Variants in IQGAP1 observed in about 807,000 individuals in gnomAD.
IQGAP1 encodes ras GTPase-activating-like protein IQGAP1.
IQGAP1 carries 66 observed loss-of-function variants against 215.6 expected under a neutral mutation model. The observed-to-expected ratio is 0.31, with a 90% CI of 0.25 to 0.38. The LOEUF (loss-of-function observed/expected upper bound fraction) is 0.38. Among genes scored for constraint, IQGAP1 ranks in the 10% least tolerant of loss-of-function variants. The pLI is 1.00. For synonymous variants in IQGAP1, 772 were observed against 728.7 expected (o/e 1.06, Z -0.96); for missense variants, 1,712 against 1,997.1 (o/e 0.86, Z 2.72).
At chr15:90,408,602 A>G (rs944062538) in intron 2 of IQGAP1, among the ~76,000 whole-genome samples, 21 of 152,114 alleles carry the variant, frequency 1.4e-4, no homozygotes, top group Admixed American at 6.6e-5. Context: ...TGAAGGTAAC[A>G]TTTGAATTGG....
chr15:90,433,119 C>T (rs144365763), intron 4 of IQGAP1, among the ~76,000 whole-genome samples: 366 of 152,276 alleles, frequency 2.4e-3, no homozygotes, highest in Non-Finnish European at 4.4e-3. Flanking sequence ...TAAGTGCTAC[C>T]GTGGAAAAGT....
chr15:90,468,246 G>T (rs1336677270), intron 18 of IQGAP1, among the ~76,000 whole-genome samples: 1 of 152,088 alleles, frequency 6.6e-6, no homozygotes, highest in Non-Finnish European at 1.5e-5. Context: ...TGTAATTTTA[G>T]TAGAGACGAG....
intron 23 of IQGAP1, among the ~76,000 whole-genome samples, chr15:90,476,333 G>A (rs1965979089): frequency 6.6e-6 from 1 of 152,094 alleles, no homozygotes; most frequent in Non-Finnish European, 1.5e-5. Flanking sequence ...TGTTTTCCAA[G>A]CGTTTATTAT....
At chr15:90,396,648 C>A (rs977491886) in intron 2 of IQGAP1, among the ~76,000 whole-genome samples, 44 of 152,008 alleles carry the variant, frequency 2.9e-4, no homozygotes, top group Admixed American at 2.7e-3. Context: ...AACCTCCATT[C>A]TTTTTTCGGA....
intron 14 of IQGAP1, among the ~76,000 whole-genome samples, chr15:90,455,667 C>T (rs895238965): frequency 7.2e-5 from 11 of 152,202 alleles, no homozygotes; most frequent in African/African-American, 2.7e-4. Context: ...CATTAGGGAG[C>T]CCTGCGCTTG....
At chr15:90,477,261 C>T (rs1309457430) in intron 25 of IQGAP1, 31 bp downstream of exon 25, 2 of 1,594,116 alleles carry the variant, frequency 1.3e-6, no homozygotes, top group Non-Finnish European at 1.7e-6. Context: ...GGCACAGGCC[C>T]CTTCCCACTA....
rs1341089326 is a variant in IQGAP1 at position 90,443,389 on chromosome 15, C to G, written c.829-5C>G. 2 of 1,606,558 alleles carry G rather than the reference C, an allele frequency of 1.2e-6. No homozygotes were observed. The highest frequency in any genetic ancestry group is 3.3e-5 in the Admixed American group (2 of 59,848). ...AACTTAATTACGCTTTTTACTCATC[C>G]TCAGACAGAAAACTCAGAGAGAGAA... On this transcript the variant is annotated splice_region_variant and splice_polypyrimidine_tract_variant and intron_variant, in intron 8 of 37. Coordinates refer to ENST00000268182, the MANE Select transcript of IQGAP1 (RefSeq NM_003870.4).
intron 15 of IQGAP1, among the ~76,000 whole-genome samples, chr15:90,462,926 C>G (rs925483405): frequency 1.3e-5 from 2 of 152,202 alleles, no homozygotes; most frequent in African/African-American, 4.8e-5. Flanking sequence ...TGGGCTTTAA[C>G]ACTCTGCTCA....
At chr15:90,447,469 T>C (rs898481579) in intron 9 of IQGAP1, among the ~76,000 whole-genome samples, 4 of 152,246 alleles carry the variant, frequency 2.6e-5, no homozygotes, top group Non-Finnish European at 5.9e-5. Context: ...TTTTTACTAA[T>C]GAAAACATTT....
intron 2 of IQGAP1, among the ~76,000 whole-genome samples, chr15:90,416,671 G>A (rs376617036): frequency 1.1e-4 from 17 of 151,130 alleles, no homozygotes; most frequent in East Asian, 5.8e-4. Context: ...TTCACCTCCC[G>A]TGTTCACGCC....
intron 2 of IQGAP1, among the ~76,000 whole-genome samples, chr15:90,411,366 C>T (rs1322488749): frequency 6.6e-6 from 1 of 151,962 alleles, no homozygotes; most frequent in Non-Finnish European, 1.5e-5. Context: ...GCAGCCACAA[C>T]ACCCCCAGGC....
intron 35 of IQGAP1, among the ~76,000 whole-genome samples, chr15:90,493,248 A>AG (rs1966230355): frequency 6.6e-6 from 1 of 152,078 alleles, no homozygotes; most frequent in South Asian, 2.1e-4. Flanking sequence ...GGAAAAAAAA[A>AG]AAAATCTTCT....
At position 90,474,518 on chromosome 15, in the gene IQGAP1, G is replaced by A. The variant is rs138856991; in HGVS notation, c.2609G>A (p.Arg870Gln). 2.2e-5 allele frequency: 35 copies of A among 1,614,012 alleles called. No homozygotes were observed. The African/African-American group carries it at 2.4e-4, about 11-fold the overall frequency. Residue 870 changes from arginine to glutamine, a missense_variant, in exon 23 of 38, where the codon CGA becomes CAA. Physicochemically the swap from Arg to Gln is conservative, Grantham distance 43. This residue lies in a region of IQGAP1 where 1,021 missense variants were observed against 1,074.2 expected (regional missense o/e 0.95). Transcript: ENST00000268182. ...GAGGATCCTCCTATGGTTGTGGTCC[G>A]AAAATTTGTCCACCTGCTGGACCAA... is the stretch of plus-strand genomic sequence containing the variant. ...NAEDPPMVVV[R>Q]KFVHLLDQSD...
At chr15:90,417,616 C>A (rs902892858) in intron 2 of IQGAP1, among the ~76,000 whole-genome samples, 3 of 152,130 alleles carry the variant, frequency 2.0e-5, no homozygotes, top group Non-Finnish European at 2.9e-5. Context: ...GTTATTGTAG[C>A]CTTGTAGTAT....
intron 1 of IQGAP1, among the ~76,000 whole-genome samples, chr15:90,390,129 A>AGACTGGGAAAGGCCTTG (rs1964614793): frequency 6.6e-6 from 1 of 152,184 alleles, no homozygotes; most frequent in Non-Finnish European, 1.5e-5. Flanking sequence ...AGTTGGGACC[A>AGACTGGGAAAGGCCTTG]GACTGGGAAA....
chr15:90,395,913 C>G (rs1298798673), intron 2 of IQGAP1, among the ~76,000 whole-genome samples: 1 of 152,168 alleles, frequency 6.6e-6, no homozygotes, highest in Non-Finnish European at 1.5e-5. Flanking sequence ...TCAGACAATT[C>G]CTGGTGTGCG....
intron 29 of IQGAP1, 43 bp downstream of exon 29, chr15:90,483,636 A>G (rs767563585): frequency 7.2e-7 from 1 of 1,380,786 alleles, no homozygotes; most frequent in South Asian, 1.2e-5. Flanking sequence ...CTGTGGATGT[A>G]TTTTTATTGT....
rs552222380 is a variant in IQGAP1, at chr15:90,496,306, C to CTTTTTTTTTTTTTTTTTTTTTTTTTTTT, written c.4752-924_4752-897dup. ...GATCATCCAGAGAACAGCATAATCC[C>CTTTTTTTTTTTTTTTTTTTTTTTTTTTT]TTTTTTTTTTTTTTTTTTTTTTTTT... is the stretch of plus-strand genomic sequence containing the variant. On this transcript the variant is annotated intron_variant, in intron 36 of 37. Transcript: ENST00000268182. Among the ~76,000 whole-genome samples the CTTTTTTTTTTTTTTTTTTTTTTTTTTTT allele has an allele frequency of 1.0e-4, 11 of 106,116 alleles. 1 individual carries two copies. Among genetic ancestry groups the CTTTTTTTTTTTTTTTTTTTTTTTTTTTT allele is most frequent in the African/African-American group, 4.9e-4 (11 of 22,584 alleles). 69.6% of individuals were successfully genotyped at this position (106,116 alleles called of 152,430 possible).
At chr15:90,422,630 ATATATATATGTATATG>A (rs1965157914) in intron 2 of IQGAP1, among the ~76,000 whole-genome samples, 1 of 72,044 alleles carries the variant, frequency 1.4e-5, no homozygotes, top group South Asian at 6.2e-4. Flanking sequence ...ATATATGTAT[ATATATATATGTATATG>A]TATATATATA....
Sources: gnomAD v4.1 joint callset for allele counts (sites outside exome capture counted in the v4.1 genomes callset) on GRCh38, gnomAD v4.1.1 for gene constraint, gnomAD v4.1.1 regional missense constraint, MANE v1.5 for transcripts, NCBI Gene and HGNC (gene_info 2026-07-23, HGNC 2026-07-21) for gene names.